DCDC1: variants seen among roughly 807,000 people sequenced by gnomAD.
DCDC1 encodes the protein doublecortin domain containing 1.
Under a neutral mutation model 178.3 loss-of-function variants are expected in DCDC1, and 200 were observed. The ratio of observed to expected loss-of-function variants is 1.12; its 90% CI spans 1.00 to 1.26. The LOEUF is 1.26. Ranked by LOEUF, DCDC1 falls within the 50% of genes most tolerant of loss-of-function variation. The pLI is 0.00. For missense variants in DCDC1, 1,983 were observed against 1,749.2 expected (o/e 1.13, Z -2.38); for synonymous variants, 690 against 604.8 (o/e 1.14, Z -2.07).
chr11:30,887,346 T>C (rs1163510006), intron 36 of DCDC1, among the ~76,000 whole-genome samples: 1 of 152,218 alleles, frequency 6.6e-6, no homozygotes, highest in East Asian at 1.9e-4. Context: ...AAGATATCTT[T>C]CAACTTCTAC....
chr11:31,088,972 T>A (rs1053217544), intron 17 of DCDC1, among the ~76,000 whole-genome samples: 4 of 152,170 alleles, frequency 2.6e-5, no homozygotes. Context: ...AATGCTGGAA[T>A]TACGGGCATG....
intron 9 of DCDC1, among the ~76,000 whole-genome samples, chr11:31,192,247 C>T (rs1209424074): frequency 6.6e-6 from 1 of 152,086 alleles, no homozygotes; most frequent in Non-Finnish European, 1.5e-5. Flanking sequence ...TTATCCACTC[C>T]TGTATTGACA....
chr11:30,936,671 A>G (rs156398), intron 21 of DCDC1, among the ~76,000 whole-genome samples: 17,904 of 152,162 alleles, frequency 0.12, 1,165 homozygotes, highest in Admixed American at 0.2. Flanking sequence ...GCTCCAGTAG[A>G]AACACTGGGC....
chr11:31,307,733 G>T lies in DCDC1; in HGVS notation c.340C>A (p.Leu114Ile). ...TTACTGTTTGATTTGTAGCTATCTA[G>T]GTCTGATATTTCATCATGGCTGTGA... is the stretch of plus-strand genomic sequence containing the variant. ...SDHSHDEISDLDSYKSNSKNN... is the reference protein window; with the variant it reads ...SDHSHDEISDIDSYKSNSKNN... The change falls in exon 4 of 39, where the codon CTA becomes ATA. Residue 114 changes from leucine to isoleucine, a missense_variant. Physicochemically the swap from Leu to Ile is conservative, Grantham distance 5. Transcript: ENST00000684477. 1 of 1,614,056 alleles carries T rather than the reference G, an allele frequency of 6.2e-7. No individual in the cohort carries two copies. Among genetic ancestry groups the T allele is most frequent in the Non-Finnish European group, 8.5e-7 (1 of 1,179,996 alleles).
At chr11:31,165,344 T>C (rs2136188931) in intron 9 of DCDC1, among the ~76,000 whole-genome samples, 1 of 152,296 alleles carries the variant, frequency 6.6e-6, no homozygotes, top group East Asian at 1.9e-4. Context: ...TTTTTTTTTC[T>C]TAAAGAGACA....
chr11:31,073,568 G>A (rs1956695581), intron 18 of DCDC1, among the ~76,000 whole-genome samples: 1 of 152,266 alleles, frequency 6.6e-6, no homozygotes, highest in East Asian at 1.9e-4. Flanking sequence ...TTTTGGTATT[G>A]TCTAAAAATT....
Position 31,265,609 on chromosome 11 carries a change from G to GAA in DCDC1, c.961-11_961-10dup. 7.7e-7 allele frequency: 1 copy of GAA among 1,301,674 alleles called. No homozygotes were observed. The allele number at this position is 1,301,674 out of a possible 1,614,324, so 80.6% of individuals were successfully genotyped here. ...GTACAAGTATCTAAAACCTGTGCAG[G>GAA]AAAAAAAAATTATAAATAATTTAGT... On this transcript the variant is annotated splice_polypyrimidine_tract_variant and intron_variant, in intron 7 of 38. Transcript: ENST00000684477.
At chr11:31,286,263 C>A (rs2137339853) in intron 7 of DCDC1, among the ~76,000 whole-genome samples, 1 of 152,076 alleles carries the variant, frequency 6.6e-6, no homozygotes, top group African/African-American at 2.4e-5. Flanking sequence ...TTCTGTGGAC[C>A]ACACTTTGAA....
At chr11:31,201,282 A>G (rs2136433547) in intron 9 of DCDC1, among the ~76,000 whole-genome samples, 1 of 151,928 alleles carries the variant, frequency 6.6e-6, no homozygotes, top group East Asian at 1.9e-4. Flanking sequence ...TATATTTAAT[A>G]TCATTAAATT....
chr11:31,245,242 C>T (rs1443895836), intron 8 of DCDC1, among the ~76,000 whole-genome samples: 1 of 150,774 alleles, frequency 6.6e-6, no homozygotes, highest in African/African-American at 2.4e-5. Context: ...ATATCTTGTC[C>T]CCTCCCACTT....
Position 31,307,881 on chromosome 11 carries a change from T to C in DCDC1, c.192A>G (p.Ala64=). The C allele has an allele frequency of 1.2e-6, 2 of 1,614,084 alleles. No individual in the cohort carries two copies. Among genetic ancestry groups the C allele is most frequent in the Non-Finnish European group, 1.7e-6 (2 of 1,179,966 alleles). The change falls in exon 4 of 39, where the codon GCA becomes GCG. Residue 64 remains alanine, a synonymous_variant. Coordinates refer to ENST00000684477, the MANE Select transcript of DCDC1 (RefSeq NM_001387274.1). The part of the protein sequence containing the change: ...PREFMSSQAK[A]VIKTTDDYLQ... Reference sequence around the variant, plus strand: ...AATAATCATCAGTAGTTTTAATAACTGCTTTTGCCTGGGATGACATAAACT... The same window carrying C: ...AATAATCATCAGTAGTTTTAATAACCGCTTTTGCCTGGGATGACATAAACT...
chr11:31,354,893 A>G (rs1482483761), intron 1 of DCDC1, among the ~76,000 whole-genome samples: 5 of 152,034 alleles, frequency 3.3e-5, no homozygotes, highest in African/African-American at 7.2e-5. Context: ...GAGCTGTGAA[A>G]TTTTAAAAAA....
At chr11:31,061,569 A>G (rs1955921631) in intron 20 of DCDC1, among the ~76,000 whole-genome samples, 1 of 152,084 alleles carries the variant, frequency 6.6e-6, no homozygotes, top group Admixed American at 6.6e-5. Context: ...AAAAAAAAGA[A>G]GAAGAAGAAG....
intron 8 of DCDC1, among the ~76,000 whole-genome samples, chr11:31,246,657 C>T (rs1018585836): frequency 2.6e-5 from 4 of 152,084 alleles, no homozygotes; most frequent in Non-Finnish European, 5.9e-5. Flanking sequence ...TGGAAAGCTC[C>T]TGGTCCCACA....
intron 9 of DCDC1, among the ~76,000 whole-genome samples, chr11:31,192,376 CTG>C (rs1399258695): frequency 6.6e-6 from 1 of 152,096 alleles, no homozygotes; most frequent in Non-Finnish European, 1.5e-5. Flanking sequence ...ACCTTTCCAA[CTG>C]TGTGTCCCAC....
chr11:30,887,302 T>C (rs1590226250), intron 36 of DCDC1, among the ~76,000 whole-genome samples: 1 of 152,204 alleles, frequency 6.6e-6, no homozygotes, highest in South Asian at 2.1e-4. Context: ...AAAAGAGATA[T>C]AAGGCATGAC....
intron 20 of DCDC1, among the ~76,000 whole-genome samples, chr11:30,994,641 T>G (rs887582665): frequency 6.9e-6 from 1 of 145,548 alleles, no homozygotes; most frequent in Admixed American, 7.0e-5. Flanking sequence ...TATATATTTA[T>G]TATAATATAT....
At chr11:31,292,765 T>C (rs1947327385) in intron 6 of DCDC1, among the ~76,000 whole-genome samples, 1 of 151,992 alleles carries the variant, frequency 6.6e-6, no homozygotes, top group African/African-American at 2.4e-5. Context: ...TTTTGCATTA[T>C]GTGACCTCAA....
At chr11:31,157,098 G>A (rs184668278) in intron 9 of DCDC1, among the ~76,000 whole-genome samples, 60 of 151,752 alleles carry the variant, frequency 4.0e-4, no homozygotes, top group South Asian at 2.1e-3. Context: ...TGTTGTAACC[G>A]GCCAGGTGGG....
Sources: gnomAD v4.1 joint callset for allele counts (sites outside exome capture counted in the v4.1 genomes callset) on GRCh38, gnomAD v4.1.1 for gene constraint, MANE v1.5 for transcripts, NCBI Gene and HGNC (gene_info 2026-07-23, HGNC 2026-07-21) for gene names.